MSN: variants seen among roughly 807,000 people sequenced by gnomAD.
MSN encodes epididymis luminal protein 70.
Under a neutral mutation model 48.0 loss-of-function variants are expected in MSN, and 2 were observed. The observed-to-expected ratio is 0.04, with a 90% confidence interval of 0.02 to 0.13. MSN has a LOEUF of 0.13. MSN is among the 10% of genes least tolerant of loss of function. The probability of loss-of-function intolerance (pLI) is 1.00; values close to 1 mark genes in which losing one functional copy is unlikely to be tolerated. For synonymous variants in MSN, 146 were observed against 166.9 expected, an observed-to-expected ratio of 0.87 and a Z score of 0.97; for missense variants, 267 against 470.1, an observed-to-expected ratio of 0.57 and a Z score of 3.99.
chrX:65,609,372 C>G (rs1017149507), intron 1 of MSN, among the ~76,000 whole-genome samples: 1 of 110,952 alleles, frequency 9.0e-6, no homozygotes, highest in African/African-American at 3.3e-5. Flanking sequence ...CTCAGGCCTG[C>G]CCAGAACAAG....
intron 1 of MSN, among the ~76,000 whole-genome samples, chrX:65,629,213 T>G (rs112939184): frequency 0.22 from 24,995 of 111,133 alleles, 6,720 homozygotes; most frequent in African/African-American, 0.77. Context: ...GGGGCAAAAT[T>G]CCACCAGTCT....
intron 1 of MSN, among the ~76,000 whole-genome samples, chrX:65,703,784 A>G (rs1192395706): frequency 9.0e-6 from 1 of 111,587 alleles, no homozygotes; most frequent in African/African-American, 3.3e-5. Context: ...CATTTTGCCC[A>G]GGCTGGTCTT....
intron 1 of MSN, among the ~76,000 whole-genome samples, chrX:65,702,765 A>T (rs1379083153): frequency 9.0e-6 from 1 of 111,504 alleles, no homozygotes; most frequent in Non-Finnish European, 1.9e-5. Context: ...AGGGTTGCAG[A>T]CTTGTGTGTG....
At position 65,648,768 on chromosome X, in the gene MSN, C is replaced by T. The variant is rs1257721148; in HGVS notation, c.-22+60156C>T. Among the ~76,000 whole-genome samples the T allele has an allele frequency of 2.7e-5, 3 of 109,686 alleles. No individual in the cohort carries two copies. The East Asian group carries it at 8.5e-4, about 31-fold the overall frequency. ...ATCCCAGCTACTTGGGAGGCTGAGG[C>T]AGGAGAATCGCTTGAACCTGGGAGG... On this transcript the variant is annotated intron_variant, in intron 1 of 3. Transcript: ENST00000609672.
chrX:65,593,225 A>C (rs1344188779), intron 1 of MSN: 1 of 106,091 alleles, frequency 9.4e-6, no homozygotes, highest in Admixed American at 1.0e-4. Flanking sequence ...GCTTCCCACC[A>C]TACACATCTT....
chrX:65,672,152 C>T (rs1391693919), intron 1 of MSN, among the ~76,000 whole-genome samples: 1 of 111,998 alleles, frequency 8.9e-6, no homozygotes, highest in Non-Finnish European at 1.9e-5. Context: ...GAGTTTCCCC[C>T]ACTGGAATTT....
At chrX:65,687,325 G>A (rs753417364) in intron 1 of MSN, among the ~76,000 whole-genome samples, 1 of 111,720 alleles carries the variant, frequency 9.0e-6, no homozygotes, top group East Asian at 2.8e-4. Context: ...TCCAGCCTGG[G>A]TGACAGAGCG....
At position 65,737,926 on chromosome X, in the gene MSN, T is replaced by C. The variant is rs772821061; in HGVS notation, c.1251+588T>C. 2.4e-3 allele frequency among the ~76,000 whole-genome samples: 265 copies of C among 112,324 alleles called. 3 individuals carry two copies. The highest frequency in any genetic ancestry group is 8.4e-3 in the African/African-American group (261 of 30,940). The stretch of plus-strand genomic sequence containing the variant: ...TACTTTCATCACAGTTTCCAAGGGT[T>C]CTGTGACTCAGAAGTTAAGAACCTG... On this transcript the variant is annotated intron_variant, in intron 10 of 12. Transcript: ENST00000360270.
chrX:65,688,157 T>C (rs955869613), intron 1 of MSN, among the ~76,000 whole-genome samples: 7 of 112,558 alleles, frequency 6.2e-5, no homozygotes, highest in African/African-American at 2.3e-4. Context: ...TTCATAGTTG[T>C]AAAACTCTTT....
At chrX:65,612,701 C>T (rs1221704237) in intron 1 of MSN, among the ~76,000 whole-genome samples, 2 of 109,328 alleles carry the variant, frequency 1.8e-5, no homozygotes, top group African/African-American at 6.7e-5. Flanking sequence ...GCTAGGACTA[C>T]AGACACATGC....
chrX:65,683,919 CT>C (rs1306388374), intron 1 of MSN, among the ~76,000 whole-genome samples: 2 of 106,801 alleles, frequency 1.9e-5, no homozygotes, highest in African/African-American at 6.8e-5. Flanking sequence ...AACATAAACT[CT>C]TTTTTTTCTT....
At chrX:65,738,745 G>A in intron 11 of MSN, 128 bp downstream of exon 11, 1 of 667,057 alleles carries the variant, frequency 1.5e-6, no homozygotes, top group East Asian at 3.5e-5. Context: ...CAGCATGGGA[G>A]AAGGCACTCA....
chrX:65,668,063 G>C (rs953749091), intron 1 of MSN, among the ~76,000 whole-genome samples: 2 of 112,450 alleles, frequency 1.8e-5, no homozygotes, highest in African/African-American at 6.5e-5. Context: ...AGTTTGGACG[G>C]GGCGAGGCCT....
intron 1 of MSN, among the ~76,000 whole-genome samples, chrX:65,705,005 A>G (rs1216779107): frequency 9.0e-6 from 1 of 110,669 alleles, no homozygotes; most frequent in Non-Finnish European, 1.9e-5. Context: ...TCCTGACCTC[A>G]GGTGATCCTC....
At position 65,737,194 on chromosome X, in the gene MSN, C is replaced by A. The variant is rs2071686624; in HGVS notation, c.1107C>A (p.Thr369=). 2.5e-6 allele frequency: 3 copies of A among 1,205,431 alleles called. No homozygotes were observed. The East Asian group carries it at 8.9e-5, about 36-fold the overall frequency. The change falls in exon 10 of 13, where the codon ACC becomes ACA. Residue 369 remains threonine, a synonymous_variant. Transcript: ENST00000360270. The part of the protein sequence containing the change: ...KKAQQELEEQ[T]RRALELEQER... The stretch of plus-strand genomic sequence containing the variant: ...TCTGCTCAGAACTGGAAGAACAGAC[C>A]CGTAGGGCTCTGGAACTTGAGCAGG...
Position 65,648,960 on chromosome X carries a change from C to T in MSN, c.-22+60348C>T, listed in dbSNP as rs1384902530. Among the ~76,000 whole-genome samples, 16 of 108,835 alleles carry T rather than the reference C, an allele frequency of 1.5e-4. No homozygotes were observed. In the East Asian group the frequency reaches 4.5e-3, roughly 31 times the overall value. The allele number at this position is 108,835 out of a possible 115,157, so 94.5% of individuals were successfully genotyped here. A position where few individuals can be genotyped will look rare whatever the true frequency, so the allele number is the denominator to read the frequency against. ...ATGTGACTGGAAATGAGAGGTAAGG[C>T]CTGGGTATGGATGAGGAGAAAATGC... On this transcript the variant is annotated intron_variant, in intron 1 of 3. Coordinates refer to the MSN transcript ENST00000609672.
intron 1 of MSN, among the ~76,000 whole-genome samples, chrX:65,699,358 C>G (rs1391534855): frequency 1.8e-5 from 2 of 111,633 alleles, no homozygotes; most frequent in East Asian, 5.6e-4. Context: ...CTGTTCCCAC[C>G]CTGTGTTACC....
intron 1 of MSN, among the ~76,000 whole-genome samples, chrX:65,633,367 A>G (rs906217684): frequency 8.9e-6 from 1 of 111,905 alleles, no homozygotes; most frequent in Non-Finnish European, 1.9e-5. Context: ...CTTCTGTTAT[A>G]AAAAGCTCTT....
chrX:65,711,427 C>G (rs1376044611), intron 1 of MSN, among the ~76,000 whole-genome samples: 1 of 109,274 alleles, frequency 9.2e-6, no homozygotes, highest in Non-Finnish European at 1.9e-5. Context: ...AACTCCTGAC[C>G]TCAAGTAATT....
Sources: allele counts gnomAD v4.1 joint callset (sites outside exome capture counted in the v4.1 genomes callset), GRCh38; gene constraint gnomAD v4.1.1; transcripts MANE v1.5; gene names NCBI Gene and HGNC (gene_info 2026-07-23, HGNC 2026-07-21).